FSTL5: variants seen among roughly 807,000 people sequenced by gnomAD.
The protein encoded by FSTL5 is follistatin-related protein 5.
A neutral mutation model predicts 89.1 loss-of-function variants in FSTL5; 62 were observed. That is an observed-to-expected ratio of 0.70 (90% CI 0.57 to 0.86). FSTL5 has a LOEUF of 0.86. Ranked by LOEUF, FSTL5 falls within the 40% of genes least tolerant of loss-of-function variation. FSTL5 has a pLI of 0.00. For synonymous variants in FSTL5, 383 were observed against 346.2 expected (o/e 1.11, Z -1.18); for missense variants, 1,057 against 1,001.6 (o/e 1.06, Z -0.75).
chr4:162,103,787 C>T (rs1467985711), intron 2 of FSTL5, among the ~76,000 whole-genome samples: 1 of 152,150 alleles, frequency 6.6e-6, no homozygotes, highest in Non-Finnish European at 1.5e-5. Flanking sequence ...CACCTTTAAA[C>T]AAGGGTCTTG....
chr4:161,666,575 G>A (rs1008812291), intron 6 of FSTL5, among the ~76,000 whole-genome samples: 10 of 152,026 alleles, frequency 6.6e-5, no homozygotes, highest in Non-Finnish European at 8.8e-5. Flanking sequence ...TAGAAAAGGC[G>A]GAGAGTTTAG....
At chr4:161,778,278 CA>C (rs375447769) in intron 4 of FSTL5, among the ~76,000 whole-genome samples, 83 of 152,110 alleles carry the variant, frequency 5.5e-4, no homozygotes, top group African/African-American at 1.7e-3. Flanking sequence ...AAATATATTA[CA>C]AAAAATGCAG....
chr4:162,043,321 C>G (rs1054631303), intron 2 of FSTL5: 2 of 152,112 alleles, frequency 1.3e-5, no homozygotes, highest in African/African-American at 4.8e-5. Context: ...AGTGAGTCAC[C>G]TGAATTTTGC....
intron 3 of FSTL5, among the ~76,000 whole-genome samples, chr4:161,957,477 T>C (rs1735056054): frequency 6.6e-6 from 1 of 152,090 alleles, no homozygotes; most frequent in Non-Finnish European, 1.5e-5. Flanking sequence ...TTATTTTCTG[T>C]AGCTAATAGA....
chr4:162,049,052 C>T (rs1738296888), intron 2 of FSTL5, among the ~76,000 whole-genome samples: 1 of 152,060 alleles, frequency 6.6e-6, no homozygotes, highest in Non-Finnish European at 1.5e-5. Flanking sequence ...AAATTTATAT[C>T]TCTGGGGAAT....
At chr4:161,428,499 A>C (rs1251745704) in intron 15 of FSTL5, among the ~76,000 whole-genome samples, 2 of 152,220 alleles carry the variant, frequency 1.3e-5, no homozygotes, top group Non-Finnish European at 2.9e-5. Flanking sequence ...GAAAATTAAA[A>C]AGGACTTCGT....
At chr4:161,686,305 C>CACAT (rs1384992347) in intron 6 of FSTL5, among the ~76,000 whole-genome samples, 1 of 25,974 alleles carries the variant, frequency 3.9e-5, no homozygotes, top group African/African-American at 1.3e-4. Context: ...TCTCCTTTGC[C>CACAT]ATATATATAT....
chr4:161,798,979 G>A (rs371756065), intron 4 of FSTL5, among the ~76,000 whole-genome samples: 84 of 151,546 alleles, frequency 5.5e-4, no homozygotes, highest in African/African-American at 2.0e-3. Context: ...AAGCCCTACT[G>A]AAAGATCAAA....
intron 4 of FSTL5, among the ~76,000 whole-genome samples, chr4:161,886,210 C>T (rs1036208107): frequency 6.6e-6 from 1 of 152,082 alleles, no homozygotes; most frequent in Non-Finnish European, 1.5e-5. Context: ...TGTGTCATTA[C>T]AATTCATAGA....
chr4:161,422,648 G>A (rs1732031653), intron 15 of FSTL5, among the ~76,000 whole-genome samples: 1 of 152,170 alleles, frequency 6.6e-6, no homozygotes. Flanking sequence ...CTTTCTTCTA[G>A]CAGACTGTGT....
intron 13 of FSTL5, among the ~76,000 whole-genome samples, chr4:161,474,188 C>T (rs909043930): frequency 2.0e-5 from 3 of 151,972 alleles, no homozygotes; most frequent in African/African-American, 7.2e-5. Context: ...TCTATAATAC[C>T]TAAACTTCAA....
In FSTL5 at chr4:162,111,268, T is replaced by C. The variant is rs371780088; in HGVS notation, c.126+3A>G. The C allele has an allele frequency of 2.0e-5, 32 of 1,603,580 alleles. No homozygotes were observed. Among genetic ancestry groups the C allele is most frequent in the Non-Finnish European group, 2.6e-5 (30 of 1,173,200 alleles). On this transcript the variant is annotated splice_donor_region_variant and intron_variant, in intron 2 of 15. Coordinates refer to ENST00000306100, the MANE Select transcript of FSTL5 (RefSeq NM_020116.5). ...ATGAGCAGATTCAGAATATTGACTGTACCTTATGTCGCAATCTCATTAGAG... is the reference window on the plus strand; with the variant it reads ...ATGAGCAGATTCAGAATATTGACTGCACCTTATGTCGCAATCTCATTAGAG...
chr4:161,658,904 G>T (rs1486508368), intron 6 of FSTL5, among the ~76,000 whole-genome samples: 1 of 152,164 alleles, frequency 6.6e-6, no homozygotes, highest in Non-Finnish European at 1.5e-5. Context: ...CTGCCATTTA[G>T]AAATACAATT....
intron 6 of FSTL5, among the ~76,000 whole-genome samples, chr4:161,662,953 C>A (rs1736767587): frequency 6.6e-6 from 1 of 152,096 alleles, no homozygotes; most frequent in South Asian, 2.1e-4. Context: ...GCACTTCTTA[C>A]ATGGCAGCAG....
At chr4:161,682,576 G>T (rs963209460) in intron 6 of FSTL5, among the ~76,000 whole-genome samples, 3 of 150,002 alleles carry the variant, frequency 2.0e-5, no homozygotes, top group Non-Finnish European at 4.4e-5. Flanking sequence ...ATTAGCCTTG[G>T]TCTACATAGG....
intron 5 of FSTL5, among the ~76,000 whole-genome samples, chr4:161,770,699 T>A (rs879729834): frequency 5.9e-5 from 9 of 151,958 alleles, no homozygotes; most frequent in Non-Finnish European, 1.2e-4. Context: ...AAAAACTGCA[T>A]GAATTTAAGT....
At chr4:161,634,841 T>A (rs1298682267) in intron 7 of FSTL5, among the ~76,000 whole-genome samples, 4 of 152,136 alleles carry the variant, frequency 2.6e-5, no homozygotes, top group Admixed American at 6.5e-5. Flanking sequence ...CTATAGGTAA[T>A]CATGTTTTAT....
intron 5 of FSTL5, among the ~76,000 whole-genome samples, chr4:161,771,258 A>T (rs532231309): frequency 4.6e-5 from 7 of 152,210 alleles, no homozygotes; most frequent in Admixed American, 4.6e-4. Context: ...ATAATCTACT[A>T]CATCTTCACA....
intron 2 of FSTL5, among the ~76,000 whole-genome samples, chr4:162,048,225 G>T (rs1738261477): frequency 6.6e-6 from 1 of 151,928 alleles, no homozygotes; most frequent in African/African-American, 2.4e-5. Context: ...TACTGGGGAG[G>T]CTGAGGCAGG....
Sources: allele counts gnomAD v4.1 joint callset (sites outside exome capture counted in the v4.1 genomes callset), GRCh38; gene constraint gnomAD v4.1.1; transcripts MANE v1.5; gene names NCBI Gene and HGNC (gene_info 2026-07-23, HGNC 2026-07-21).